ROCK2: variants seen among roughly 807,000 people sequenced by gnomAD.
ROCK2 encodes Rho associated coiled-coil containing protein kinase 2.
In ROCK2, 61 loss-of-function variants were observed where a neutral mutation model predicts 195.1. The observed-to-expected ratio is 0.31, with a 90% confidence interval of 0.25 to 0.39. The LOEUF is 0.39. Among genes scored for constraint, ROCK2 ranks in the 10% least tolerant of loss-of-function variants. The pLI, the probability that ROCK2 is intolerant of heterozygous loss-of-function variation, is 1.00. For synonymous variants in ROCK2, 504 were observed against 545.5 expected (o/e 0.92, Z 1.06); for missense variants, 1,109 against 1,637.4 (o/e 0.68, Z 5.57).
rs879549214 is a variant in ROCK2, at chr2:11,299,547, GA to G, written c.142-11812del. Among the ~76,000 whole-genome samples, 1,141 of 145,516 alleles carry G rather than the reference GA, an allele frequency of 7.8e-3. 9 individuals are homozygous for G. The highest frequency in any genetic ancestry group is 0.023 in the African/African-American group (920 of 39,970). On this transcript the variant is annotated intron_variant, in intron 1 of 32. Transcript: ENST00000315872. ...TTCAATTCTCGTAAAAGTTCCACTA[GA>G]AAAAAAAAAATGGAGAAGTGTTTTG... is the stretch of plus-strand genomic sequence containing the variant.
intron 1 of ROCK2, among the ~76,000 whole-genome samples, chr2:11,300,044 A>G (rs932639991): frequency 6.6e-6 from 1 of 152,176 alleles, no homozygotes; most frequent in East Asian, 1.9e-4. Context: ...TCTATTTCAT[A>G]TTTTGGTAGC....
At chr2:11,304,066 C>T (rs1667783616) in intron 1 of ROCK2, among the ~76,000 whole-genome samples, 2 of 152,146 alleles carry the variant, frequency 1.3e-5, no homozygotes, top group African/African-American at 4.8e-5. Flanking sequence ...TTTCTCCTGT[C>T]TTTGGGCCTC....
intron 1 of ROCK2, among the ~76,000 whole-genome samples, chr2:11,300,497 C>T (rs6432185): frequency 0.73 from 111,398 of 152,074 alleles, 42,605 homozygotes; most frequent in East Asian, 0.93. Context: ...CTCCAGACCT[C>T]AGGTGATCCA....
intron 1 of ROCK2, among the ~76,000 whole-genome samples, chr2:11,313,967 AT>A (rs533266055): frequency 6.6e-6 from 1 of 151,886 alleles, no homozygotes; most frequent in Non-Finnish European, 1.5e-5. Context: ...AAATTACAGC[AT>A]TTTTCCTAGA....
rs1196050559 is a variant in ROCK2 at position 11,202,072 on chromosome 2, C to T, written c.2599G>A (p.Glu867Lys). Residue 867 changes from glutamate (E) to lysine (K), a missense_variant, in exon 21 of 33, where the codon GAA becomes AAA. Physicochemically the swap from Glu to Lys is moderately conservative, Grantham distance 56. This residue lies in a region of ROCK2 where 542 missense variants were observed against 672.0 expected (regional missense o/e 0.81). Transcript: ENST00000315872. ...CTTACTGAGAAATACTGTTCTGCTTCGAGCTGATCCTGGAGCTCTTTCATT... is the reference window on the plus strand; with the variant it reads ...CTTACTGAGAAATACTGTTCTGCTTTGAGCTGATCCTGGAGCTCTTTCATT... ...GQMKELQDQLEAEQYFSTLYK... is the reference protein window; with the variant it reads ...GQMKELQDQLKAEQYFSTLYK... 7.4e-6 allele frequency: 12 copies of T among 1,613,718 alleles called. No individual in the cohort carries two copies. Among genetic ancestry groups the T allele is most frequent in the Non-Finnish European group, 9.3e-6 (11 of 1,179,726 alleles).
chr2:11,224,514 C>G, intron 6 of ROCK2, 54 bp from the exon 7 acceptor site: 2 of 1,489,458 alleles, frequency 1.3e-6, no homozygotes, highest in Non-Finnish European at 1.9e-6. Flanking sequence ...AAAGGAAACA[C>G]TTTTCACCTA....
At chr2:11,237,053 G>A (rs1665235308) in intron 4 of ROCK2, among the ~76,000 whole-genome samples, 1 of 152,222 alleles carries the variant, frequency 6.6e-6, no homozygotes, top group Admixed American at 6.5e-5. Flanking sequence ...TTGGGAGGCT[G>A]AGGCAGGAGA....
In ROCK2 at chr2:11,211,816, T is replaced by C; in HGVS notation, c.2068A>G (p.Met690Val). The C allele has an allele frequency of 6.2e-7, 1 of 1,600,366 alleles. No homozygotes were observed. The highest frequency in any genetic ancestry group is 8.5e-7 in the Non-Finnish European group (1 of 1,175,768). The change falls in exon 18 of 33, where the codon ATG (methionine) becomes GTG (valine). Residue 690 changes from methionine to valine, a missense_variant. Physicochemically the swap from Met to Val is conservative, Grantham distance 21 (BLOSUM62 1). Around this residue, in one of 6 missense-constraint regions of ROCK2, gnomAD observed 542 missense variants for 672.0 expected, o/e 0.81. Coordinates refer to ENST00000315872, the MANE Select transcript of ROCK2 (RefSeq NM_004850.5). ...TGTATAACTTTTAGTTGGTATGTCA[T>C]ATCTATTTCCATGTTGCTTTTTTCC... ...EKEKSNMEID[M>V]TYQLKVIQQS...
rs1665163789 is a variant in ROCK2 at position 11,235,321 on chromosome 2, T to A, written c.723+381A>T. Among the ~76,000 whole-genome samples the A allele has an allele frequency of 6.6e-6, 1 of 152,132 alleles. No homozygotes were observed. The highest frequency in any genetic ancestry group is 2.4e-5 in the African/African-American group (1 of 41,454). On this transcript the variant is annotated intron_variant, in intron 5 of 32. Transcript: ENST00000315872. The surrounding 1 kb of genome is among the most constrained non-coding windows in gnomAD (Gnocchi z 4.2). ...TTCTTTACTTACTTTTACCTCCTCTTAAAGAAAAAAATGCAGAAGTAACAA... is the reference window on the plus strand; with the variant it reads ...TTCTTTACTTACTTTTACCTCCTCTAAAAGAAAAAAATGCAGAAGTAACAA...
chr2:11,309,136 G>C (rs957629899), intron 1 of ROCK2, among the ~76,000 whole-genome samples: 52 of 151,456 alleles, frequency 3.4e-4, no homozygotes, highest in African/African-American at 1.2e-3. Flanking sequence ...GGACTCCTTT[G>C]GATACAGGTT....
At chr2:11,221,505 A>G in intron 8 of ROCK2, 148 bp from the exon 9 acceptor site, 2 of 507,834 alleles carry the variant, frequency 3.9e-6, no homozygotes, top group Non-Finnish European at 6.3e-6. Flanking sequence ...CAGAATTAAA[A>G]TTTTGTAATT....
chr2:11,264,765 G>C (rs1666356157), intron 3 of ROCK2, among the ~76,000 whole-genome samples: 1 of 152,112 alleles, frequency 6.6e-6, no homozygotes, highest in African/African-American at 2.4e-5. Flanking sequence ...GTCAGGTAGA[G>C]AATGAACCAT....
intron 1 of ROCK2, among the ~76,000 whole-genome samples, chr2:11,324,458 T>C (rs1668489150): frequency 7.7e-6 from 1 of 129,288 alleles, no homozygotes; most frequent in African/African-American, 2.7e-5. Context: ...AACAAACTTA[T>C]GTTCACACAA....
chr2:11,331,158 A>G (rs1450334854), intron 1 of ROCK2, among the ~76,000 whole-genome samples: 1 of 152,212 alleles, frequency 6.6e-6, no homozygotes, highest in African/African-American at 2.4e-5. Flanking sequence ...AAAATAGTTT[A>G]TCTAACCTAA....
At chr2:11,231,814 T>C (rs1212823175) in intron 5 of ROCK2, among the ~76,000 whole-genome samples, 1 of 152,210 alleles carries the variant, frequency 6.6e-6, no homozygotes, top group Non-Finnish European at 1.5e-5. Context: ...ATCATTTTAG[T>C]CCTTGTAAGT....
At chr2:11,286,462 T>G in intron 3 of ROCK2, 77 bp downstream of exon 3, 16 of 887,330 alleles carry the variant, frequency 1.8e-5, no homozygotes, top group Non-Finnish European at 2.7e-5. Flanking sequence ...AGAAATTAGA[T>G]CTACTCAGCT....
intron 5 of ROCK2, among the ~76,000 whole-genome samples, chr2:11,231,790 T>G (rs1406934157): frequency 2.0e-5 from 3 of 152,234 alleles, no homozygotes; most frequent in African/African-American, 7.2e-5. Flanking sequence ...TACTCTTAAT[T>G]CTGATAGTGA....
intron 1 of ROCK2, among the ~76,000 whole-genome samples, chr2:11,317,612 A>ATATATATATATATTTTTTT (rs59701503): frequency 1.0e-4 from 2 of 19,312 alleles, no homozygotes; most frequent in Admixed American, 8.8e-4. Flanking sequence ...ATATATATAT[A>ATATATATATATATTTTTTT]TTTTTTTTTT....
upstream of ROCK2, among the ~76,000 whole-genome samples, chr2:11,345,011 TGG>T (rs1479538654): frequency 6.7e-6 from 1 of 148,462 alleles, no homozygotes; most frequent in Non-Finnish European, 1.5e-5. Flanking sequence ...CACCGTGCGC[TGG>T]GGGGGAGCCC....
Sources: gnomAD v4.1 joint callset for allele counts (sites outside exome capture counted in the v4.1 genomes callset) on GRCh38, gnomAD v4.1.1 for gene constraint, gnomAD v4.1.1 regional missense constraint, Gnocchi (gnomAD v3.1) non-coding constraint, MANE v1.5 for transcripts, NCBI Gene and HGNC (gene_info 2026-07-23, HGNC 2026-07-21) for gene names.